Variants in TMEM132C observed in about 807,000 individuals in gnomAD.
TMEM132C encodes transmembrane protein 132C, also known as protein phosphatase 1, regulatory subunit 152.
TMEM132C carries 29 observed loss-of-function variants against 61.4 expected under a neutral mutation model. That is an observed-to-expected ratio of 0.47 (90% CI 0.35 to 0.64). The LOEUF (loss-of-function observed/expected upper bound fraction) is 0.64. Ranked by LOEUF, TMEM132C falls within the 30% of genes least tolerant of loss-of-function variation. TMEM132C has a pLI of 0.00. For synonymous variants in TMEM132C, 656 were observed against 633.1 expected (o/e 1.04, Z -0.54); for missense variants, 1,408 against 1,476.9 (o/e 0.95, Z 0.76).
chr12:128,364,141 C>A (rs1034987254), intron 1 of TMEM132C, among the ~76,000 whole-genome samples: 2 of 152,160 alleles, frequency 1.3e-5, no homozygotes, highest in Non-Finnish European at 2.9e-5. Context: ...GATCCCGCAT[C>A]TGACCTGACC....
At chr12:128,683,287 A>C (rs1002010829) in intron 5 of TMEM132C, among the ~76,000 whole-genome samples, 5 of 152,130 alleles carry the variant, frequency 3.3e-5, no homozygotes, top group African/African-American at 1.2e-4. Context: ...CCCTATTTGC[A>C]GGCACTGGGC....
chr12:128,479,193 T>C (rs2016897), intron 2 of TMEM132C, among the ~76,000 whole-genome samples: 10,112 of 152,226 alleles, frequency 0.066, 1,119 homozygotes, highest in African/African-American at 0.23. Context: ...GAACAGCAGA[T>C]GCTGGGGCCT....
chr12:128,543,816 G>A (rs776834650), intron 2 of TMEM132C, 141 bp from the exon 3 acceptor site: 233 of 1,126,460 alleles, frequency 2.1e-4, no homozygotes, highest in Middle Eastern at 8.1e-4. Context: ...ACCACCACTG[G>A]GCAGCTTTGC....
chr12:128,565,578 C>T (rs1361377762), intron 3 of TMEM132C, among the ~76,000 whole-genome samples: 1 of 152,134 alleles, frequency 6.6e-6, no homozygotes, highest in Non-Finnish European at 1.5e-5. Flanking sequence ...CAAAAAGCAT[C>T]TCCATGGATA....
intron 4 of TMEM132C, among the ~76,000 whole-genome samples, chr12:128,650,599 C>T (rs1954258541): frequency 6.6e-6 from 1 of 152,034 alleles, no homozygotes; most frequent in Non-Finnish European, 1.5e-5. Flanking sequence ...AAGGATAGTG[C>T]ATGCCTGCAG....
intron 1 of TMEM132C, among the ~76,000 whole-genome samples, chr12:128,352,246 A>G (rs139193034): frequency 3.5e-4 from 54 of 152,282 alleles, no homozygotes; most frequent in African/African-American, 1.2e-3. Flanking sequence ...GCAACTTACA[A>G]TCATGGCAGA....
intron 1 of TMEM132C, among the ~76,000 whole-genome samples, chr12:128,387,414 G>A (rs1177011769): frequency 3.9e-5 from 6 of 152,200 alleles, no homozygotes; most frequent in African/African-American, 1.2e-4. Context: ...GGAGGGAACC[G>A]CACACCCAGT....
chr12:128,281,434 A>G (rs577667260), intron 1 of TMEM132C, among the ~76,000 whole-genome samples: 36 of 152,280 alleles, frequency 2.4e-4, no homozygotes, highest in Non-Finnish European at 4.6e-4. Flanking sequence ...GGGAAAGCCA[A>G]TTGTAGCATC....
At chr12:128,382,139 A>G (rs1874420940) in intron 1 of TMEM132C, among the ~76,000 whole-genome samples, 1 of 151,792 alleles carries the variant, frequency 6.6e-6, no homozygotes, top group African/African-American at 2.4e-5. Context: ...GTAATATTTC[A>G]GCCTCTCCTT....
At chr12:128,507,248 CACCTGGAG>C (rs1195767462) in intron 2 of TMEM132C, among the ~76,000 whole-genome samples, 1 of 152,102 alleles carries the variant, frequency 6.6e-6, no homozygotes, top group African/African-American at 2.4e-5. Context: ...CTGCATACTT[CACCTGGAG>C]ACCTAACTGT....
At chr12:128,315,939 C>T (rs191131544) in intron 1 of TMEM132C, among the ~76,000 whole-genome samples, 95 of 151,800 alleles carry the variant, frequency 6.3e-4, no homozygotes, top group African/African-American at 2.0e-3. Context: ...GCCCTAAGAG[C>T]GAGTGTGGAC....
chr12:128,584,192 GA>G (rs1875455577), intron 3 of TMEM132C, among the ~76,000 whole-genome samples: 1 of 152,198 alleles, frequency 6.6e-6, no homozygotes, highest in African/African-American at 2.4e-5. Flanking sequence ...CCCAGCTGGA[GA>G]ACATTTCAGA....
intron 4 of TMEM132C, among the ~76,000 whole-genome samples, chr12:128,650,049 A>G (rs1038645727): frequency 6.6e-6 from 1 of 152,186 alleles, no homozygotes; most frequent in Non-Finnish European, 1.5e-5. Flanking sequence ...GGAGGGAGGA[A>G]AATTTGCTCA....
At chr12:128,323,425 A>C (rs1004094855) in intron 1 of TMEM132C, among the ~76,000 whole-genome samples, 5 of 152,248 alleles carry the variant, frequency 3.3e-5, no homozygotes, top group African/African-American at 1.2e-4. Flanking sequence ...AAGAATATTC[A>C]CAAATTACAG....
intron 2 of TMEM132C, among the ~76,000 whole-genome samples, chr12:128,416,775 A>G (rs1299319266): frequency 6.6e-6 from 1 of 152,184 alleles, no homozygotes; most frequent in Non-Finnish European, 1.5e-5. Context: ...CATGATCTCT[A>G]TAGTTTTTCC....
chr12:128,666,121 C>CCA (rs1184108480), intron 4 of TMEM132C, among the ~76,000 whole-genome samples: 3 of 80,588 alleles, frequency 3.7e-5, no homozygotes, highest in Non-Finnish European at 7.5e-5. Flanking sequence ...ACACAGGCAC[C>CCA]CACACACACA....
At chr12:128,336,865 C>CT (rs1311609081) in intron 1 of TMEM132C, among the ~76,000 whole-genome samples, 1 of 152,196 alleles carries the variant, frequency 6.6e-6, no homozygotes, top group African/African-American at 2.4e-5. Flanking sequence ...GCAAGAGAGG[C>CT]TTCCTGGAGG....
At chr12:128,344,575 T>C (rs1322476650) in intron 1 of TMEM132C, among the ~76,000 whole-genome samples, 1 of 152,212 alleles carries the variant, frequency 6.6e-6, no homozygotes, top group Non-Finnish European at 1.5e-5. Context: ...TGCTACACTA[T>C]AGAGCCATAA....
chr12:128,542,998 G>A (rs11609882), intron 2 of TMEM132C, among the ~76,000 whole-genome samples: 75,010 of 151,742 alleles, frequency 0.49, 18,992 homozygotes, highest in Non-Finnish European at 0.54. Context: ...AAAACGGTAT[G>A]AGTAGATGTG....
Sources: allele counts gnomAD v4.1 joint callset (sites outside exome capture counted in the v4.1 genomes callset), GRCh38; gene constraint gnomAD v4.1.1; transcripts MANE v1.5; gene names NCBI Gene and HGNC (gene_info 2026-07-23, HGNC 2026-07-21).